The following ABLIM1 variants were observed in gnomAD, a reference collection of about 807,000 sequenced individuals.
ABLIM1 encodes actin-binding LIM protein 1.
Under a neutral mutation model 107.0 loss-of-function variants are expected in ABLIM1, and 40 were observed. The ratio of observed to expected loss-of-function variants is 0.37; its 90% CI spans 0.29 to 0.49. ABLIM1 has a LOEUF of 0.49. ABLIM1 is among the 20% of genes least tolerant of loss of function. The probability of loss-of-function intolerance (pLI) is 0.97; values close to 1 mark genes in which losing one functional copy is unlikely to be tolerated. For missense variants in ABLIM1, 857 were observed against 1,008.5 expected, an observed-to-expected ratio of 0.85 and a Z score of 2.04; for synonymous variants, 357 against 357.3, an observed-to-expected ratio of 1.00 and a Z score of 0.01.
intron 2 of ABLIM1, among the ~76,000 whole-genome samples, chr10:114,593,195 A>G (rs1226585820): frequency 6.6e-6 from 1 of 152,176 alleles, no homozygotes; most frequent in Non-Finnish European, 1.5e-5. Context: ...TTCTTAGATA[A>G]TTTGTTCTTC....
chr10:114,439,742 C>A, intron 20 of ABLIM1: 1 of 375,210 alleles, frequency 2.7e-6, no homozygotes, highest in Non-Finnish European at 4.8e-6. Context: ...AAAAGGGTGG[C>A]CTAAAGTACT....
chr10:114,691,696 T>G (rs1455801998), intron 1 of ABLIM1, among the ~76,000 whole-genome samples: 1 of 152,228 alleles, frequency 6.6e-6, no homozygotes, highest in Non-Finnish European at 1.5e-5. Context: ...TGTAAACAGA[T>G]GAAGCATTGG....
chr10:114,729,520 G>A (rs530282203), intron 1 of ABLIM1, among the ~76,000 whole-genome samples: 1 of 152,224 alleles, frequency 6.6e-6, no homozygotes, highest in East Asian at 1.9e-4. Context: ...GCTACTGAAT[G>A]AGTGTTTAAG....
chr10:114,690,058 G>A (rs2141694912), intron 1 of ABLIM1: 1 of 801,854 alleles, frequency 1.2e-6, no homozygotes, highest in East Asian at 2.5e-5. Flanking sequence ...AAGATTCTAG[G>A]ATACTGCAAG....
At chr10:114,722,323 G>A (rs1193840809) in intron 1 of ABLIM1, among the ~76,000 whole-genome samples, 1 of 152,050 alleles carries the variant, frequency 6.6e-6, no homozygotes, top group African/African-American at 2.4e-5. Context: ...GGGAGGTGCT[G>A]CACACTTTTA....
At chr10:114,688,229 T>G (rs1359025104), upstream of ABLIM1, among the ~76,000 whole-genome samples, 1 of 152,144 alleles carries the variant, frequency 6.6e-6, no homozygotes. Flanking sequence ...GTGGGTCCCA[T>G]GAAATTATTT....
At chr10:114,795,670 T>C in the ABLIM1 span, among the ~76,000 whole-genome samples, 1 of 151,480 alleles carries the variant, frequency 6.6e-6, no homozygotes, top group African/African-American at 2.4e-5. Flanking sequence ...GATCACACCA[T>C]TGTACTCCAG....
chr10:114,628,535 T>G (rs2077964977), intron 1 of ABLIM1, among the ~76,000 whole-genome samples: 1 of 152,238 alleles, frequency 6.6e-6, no homozygotes, highest in Admixed American at 6.5e-5. Flanking sequence ...TCCTTCCACT[T>G]AGACACTGGA....
rs539076403 is a variant in ABLIM1, at chr10:114,764,452, A to T, written c.-213+3609T>A. Among the ~76,000 whole-genome samples, 7 of 152,188 alleles carry T rather than the reference A, an allele frequency of 4.6e-5. No individual in the cohort carries two copies. In the East Asian group the frequency reaches 1.4e-3, roughly 30 times the overall value. On this transcript the variant is annotated intron_variant, in intron 1 of 15. Coordinates refer to the ABLIM1 transcript ENST00000651092. Reference sequence around the variant, plus strand: ...CAAAGTCGCAATATCAGCGATTCTCATGCCTCAGCCTCCCGAGTAGCTGGG... The same window carrying T: ...CAAAGTCGCAATATCAGCGATTCTCTTGCCTCAGCCTCCCGAGTAGCTGGG...
intron 1 of ABLIM1, among the ~76,000 whole-genome samples, chr10:114,759,280 C>T (rs1359242162): frequency 6.6e-6 from 1 of 152,140 alleles, no homozygotes; most frequent in Non-Finnish European, 1.5e-5. Flanking sequence ...AAATCTCTAG[C>T]ACATTGGCAT....
At chr10:114,500,454 CA>C (rs2060238355) in intron 6 of ABLIM1, among the ~76,000 whole-genome samples, 1 of 151,948 alleles carries the variant, frequency 6.6e-6, no homozygotes, top group African/African-American at 2.4e-5. Context: ...GTAACCCCAG[CA>C]GATCACTTGA....
chr10:114,630,776 A>G lies in ABLIM1; in HGVS notation c.244+27181T>C, dbSNP rs569182301. Among the ~76,000 whole-genome samples the G allele has an allele frequency of 3.9e-5, 6 of 152,312 alleles. No individual in the cohort carries two copies. The East Asian group carries it at 7.7e-4, about 20-fold the overall frequency. ...GAGTAGATGTCCGTGTTTGGGGAGG[A>G]AAGAATGTCCCCACGGTAAGAAAAT... On this transcript the variant is annotated intron_variant, in intron 1 of 22. Coordinates refer to ENST00000533213, the MANE Select transcript of ABLIM1 (RefSeq NM_002313.7).
intron 8 of ABLIM1, among the ~76,000 whole-genome samples, chr10:114,479,908 TTTC>T (rs2057082248): frequency 1.3e-5 from 2 of 152,344 alleles, no homozygotes; most frequent in East Asian, 3.8e-4. Context: ...AGCTGTTATT[TTTC>T]TTTTCCTAAT....
chr10:114,748,504 T>G (rs898194462), intron 1 of ABLIM1, among the ~76,000 whole-genome samples: 2 of 151,984 alleles, frequency 1.3e-5, no homozygotes, highest in Admixed American at 1.3e-4. Flanking sequence ...ATCTGCTGTG[T>G]GTGCCTGTCT....
chr10:114,473,937 T>C lies in ABLIM1; in HGVS notation c.1061A>G (p.Glu354Gly), dbSNP rs771205403. The C allele has an allele frequency of 6.2e-7, 1 of 1,613,660 alleles. No individual in the cohort carries two copies. The highest frequency in any genetic ancestry group is 2.2e-5 in the East Asian group (1 of 44,892). Residue 354 changes from glutamate (E) to glycine (G), a missense_variant, in exon 9 of 23, where the codon GAA becomes GGA. By Grantham distance (98) the Glu-to-Gly change is moderately conservative. Transcript: ENST00000533213. ...EKLRPTRTSS[E>G]SIYSRPGSSI... Reference sequence around the variant, plus strand: ...GGAGCCTGGCCTAGAATAAATACTTTCCGAGGATGTCCTGGTAGGCTGTAA... The same window carrying C: ...GGAGCCTGGCCTAGAATAAATACTTCCCGAGGATGTCCTGGTAGGCTGTAA...
chr10:114,601,176 AG>A (rs780577669), intron 2 of ABLIM1, among the ~76,000 whole-genome samples: 2 of 151,916 alleles, frequency 1.3e-5, no homozygotes, highest in African/African-American at 2.4e-5. Context: ...TATTAGGACA[AG>A]CTACTTTGTA....
At chr10:114,690,543 G>T in intron 1 of ABLIM1, 1 of 1,289,588 alleles carries the variant, frequency 7.8e-7, no homozygotes, top group Non-Finnish European at 1.1e-6. Context: ...AAGGTTTTCT[G>T]CTGTCTTTGG....
chr10:114,773,987 T>C, the ABLIM1 span, among the ~76,000 whole-genome samples: 1 of 151,610 alleles, frequency 6.6e-6, no homozygotes, highest in African/African-American at 2.4e-5. Context: ...TCAATACATT[T>C]GAAATGAAGA....
the ABLIM1 span, among the ~76,000 whole-genome samples, chr10:114,784,593 G>C: frequency 2.0e-5 from 3 of 148,508 alleles, no homozygotes; most frequent in Admixed American, 2.0e-4. Context: ...CTTGAACCCG[G>C]GAGGCAGAGG....
Sources: gnomAD v4.1 joint callset for allele counts (sites outside exome capture counted in the v4.1 genomes callset) on GRCh38, gnomAD v4.1.1 for gene constraint, MANE v1.5 for transcripts, NCBI Gene and HGNC (gene_info 2026-07-23, HGNC 2026-07-21) for gene names.